The following NTRK3 variants were observed in gnomAD, a reference collection of about 807,000 sequenced individuals.
NTRK3 encodes the protein NT-3 growth factor receptor.
NTRK3 carries 24 observed loss-of-function variants against 91.7 expected under a neutral mutation model. The ratio of observed to expected loss-of-function variants is 0.26; its 90% CI spans 0.19 to 0.37. The LOEUF (loss-of-function observed/expected upper bound fraction) is 0.37, where lower values mean the gene tolerates loss of function less well. Among genes scored for constraint, NTRK3 ranks in the 10% least tolerant of loss-of-function variants. The probability of loss-of-function intolerance (pLI) is 1.00; values close to 1 mark genes in which losing one functional copy is unlikely to be tolerated. For missense variants in NTRK3, 880 were observed against 1,068.9 expected (o/e 0.82, Z 2.46); for synonymous variants, 483 against 404.0 (o/e 1.20, Z -2.34).
chr15:88,033,859 TTTAAAA>T (rs1455405314), intron 13 of NTRK3, among the ~76,000 whole-genome samples: 1 of 152,148 alleles, frequency 6.6e-6, no homozygotes, highest in Non-Finnish European at 1.5e-5. Flanking sequence ...ACAATAGGAT[TTTAAAA>T]ATGACCTAGC....
chr15:88,170,167 G>A (rs1011430442), intron 5 of NTRK3, among the ~76,000 whole-genome samples: 2 of 152,132 alleles, frequency 1.3e-5, no homozygotes, highest in Non-Finnish European at 2.9e-5. Context: ...AGGACCCCAA[G>A]GGCCATTGTG....
chr15:88,048,200 T>A lies in NTRK3; in HGVS notation c.1397-15155A>T, dbSNP rs574294856. 9.2e-5 allele frequency among the ~76,000 whole-genome samples: 14 copies of A among 152,334 alleles called. No individual in the cohort carries two copies. The East Asian group carries it at 2.7e-3, about 29-fold the overall frequency. On this transcript the variant is annotated intron_variant, in intron 13 of 18. Coordinates refer to ENST00000394480, the Ensembl canonical transcript of NTRK3. Reference sequence around the variant, plus strand: ...GTCAATCAATCTTAGGCCATCTTGATCTACTTGGAAAGCTTAACTGCCATG... The same window carrying A: ...GTCAATCAATCTTAGGCCATCTTGAACTACTTGGAAAGCTTAACTGCCATG...
intron 17 of NTRK3, among the ~76,000 whole-genome samples, chr15:87,903,923 C>G (rs1164141657): frequency 6.6e-6 from 1 of 152,164 alleles, no homozygotes; most frequent in African/African-American, 2.4e-5. Flanking sequence ...TGCAACCAGA[C>G]CCTCTCCACA....
intron 5 of NTRK3, among the ~76,000 whole-genome samples, chr15:88,170,597 C>G (rs1444424750): frequency 6.6e-6 from 1 of 152,176 alleles, no homozygotes; most frequent in Non-Finnish European, 1.5e-5. Context: ...AAGGAAGTCA[C>G]CTGTGCACCA....
At chr15:87,969,440 A>AATAG (rs952055772) in intron 14 of NTRK3, among the ~76,000 whole-genome samples, 10 of 152,320 alleles carry the variant, frequency 6.6e-5, no homozygotes, top group South Asian at 2.1e-4. Context: ...TAATAAGAAG[A>AATAG]ATAGATAGAT....
intron 14 of NTRK3, among the ~76,000 whole-genome samples, chr15:88,026,382 C>A (rs573306727): frequency 6.6e-6 from 1 of 152,268 alleles, no homozygotes; most frequent in South Asian, 2.1e-4. Context: ...AGAAGCCAAT[C>A]TGAAAAGGCT....
chr15:87,975,508 G>C (rs2073644105), intron 14 of NTRK3, among the ~76,000 whole-genome samples: 1 of 152,210 alleles, frequency 6.6e-6, no homozygotes, highest in African/African-American at 2.4e-5. Context: ...CAGGAGGTCA[G>C]GGAGCTGCAG....
At chr15:87,973,117 A>G (rs536457224) in intron 14 of NTRK3, among the ~76,000 whole-genome samples, 4 of 152,342 alleles carry the variant, frequency 2.6e-5, no homozygotes, top group Middle Eastern at 6.8e-3. Context: ...GAAGTCAAGC[A>G]TAATGAGGAG....
chr15:87,903,491 A>T (rs1370093571), intron 17 of NTRK3, among the ~76,000 whole-genome samples: 1 of 152,084 alleles, frequency 6.6e-6, no homozygotes, highest in East Asian at 1.9e-4. Flanking sequence ...CCCTTTTATC[A>T]TCCTGTTCTA....
intron 14 of NTRK3, among the ~76,000 whole-genome samples, chr15:87,970,080 G>C (rs2141265576): frequency 6.6e-6 from 1 of 152,246 alleles, no homozygotes; most frequent in Non-Finnish European, 1.5e-5. Flanking sequence ...TTTTACATGA[G>C]GATCAGCAAA....
chr15:88,115,919 C>T lies in NTRK3; in HGVS notation c.1396+10352G>A, dbSNP rs531704480. The stretch of plus-strand genomic sequence containing the variant: ...CGGGGCCTGCCAGCACAAGCTTTTC[C>T]GGTTTTTTATAGCCCTCAACATTTC... On this transcript the variant is annotated intron_variant, in intron 13 of 18. Transcript: ENST00000394480. 1.4e-4 allele frequency among the ~76,000 whole-genome samples: 21 copies of T among 152,116 alleles called. No individual in the cohort carries two copies. The East Asian group carries it at 1.9e-3, about 14-fold the overall frequency.
At chr15:88,077,026 G>A (rs148974268) in intron 13 of NTRK3, among the ~76,000 whole-genome samples, 135 of 152,152 alleles carry the variant, frequency 8.9e-4, no homozygotes, top group African/African-American at 3.1e-3. Flanking sequence ...CCTAGGAGGC[G>A]GAGGTTGCAA....
chr15:88,105,863 G>A (rs954634639), intron 13 of NTRK3, among the ~76,000 whole-genome samples: 1 of 152,066 alleles, frequency 6.6e-6, no homozygotes, highest in African/African-American at 2.4e-5. Flanking sequence ...ACCTTCTCAC[G>A]TGAGCACCAT....
At chr15:87,913,421 G>C (rs2067233984) in intron 17 of NTRK3, among the ~76,000 whole-genome samples, 1 of 152,096 alleles carries the variant, frequency 6.6e-6, no homozygotes, top group Non-Finnish European at 1.5e-5. Flanking sequence ...CACTGCTCAG[G>C]ATGACATGTG....
chr15:87,899,556 G>T (rs1325231071), intron 17 of NTRK3, among the ~76,000 whole-genome samples: 1 of 152,188 alleles, frequency 6.6e-6, no homozygotes, highest in Non-Finnish European at 1.5e-5. Context: ...CATTCTAGCT[G>T]GAGGGAGACC....
At chr15:87,980,176 G>C (rs1021186660) in intron 14 of NTRK3, among the ~76,000 whole-genome samples, 4 of 152,202 alleles carry the variant, frequency 2.6e-5, no homozygotes, top group Admixed American at 1.3e-4. Context: ...CGAGCAAGGA[G>C]GACTTCCATG....
chr15:88,050,489 GTGTGTGTGTGTGTGTGTGTGTGTGTGTA>G (rs1013371382), intron 13 of NTRK3, among the ~76,000 whole-genome samples: 23 of 119,294 alleles, frequency 1.9e-4, no homozygotes, highest in Non-Finnish European at 3.6e-4. Context: ...TATATACCGT[GTGTGTGTGTGTGTGTGTGTGTGTGTGTA>G]TGTGTGTGTG....
chr15:88,008,720 C>T (rs998046617), intron 14 of NTRK3, among the ~76,000 whole-genome samples: 2 of 152,160 alleles, frequency 1.3e-5, no homozygotes, highest in South Asian at 4.1e-4. Context: ...CCCAGCGATT[C>T]TTCATATTAA....
At chr15:87,866,641 T>C (rs1416921377) in exon 19 of NTRK3, 1 of 187,578 alleles carries the variant, frequency 5.3e-6, no homozygotes, top group African/African-American at 2.3e-5. Context: ...TATCTATTGA[T>C]ACATAATGAT....
Sources: gnomAD v4.1 joint callset for allele counts (sites outside exome capture counted in the v4.1 genomes callset) on GRCh38, gnomAD v4.1.1 for gene constraint, MANE v1.5 for transcripts, NCBI Gene and HGNC (gene_info 2026-07-23, HGNC 2026-07-21) for gene names.